The following ST8SIA6 variants were observed in gnomAD, a reference collection of about 807,000 sequenced individuals.
The protein encoded by ST8SIA6 is alpha-2,8-sialyltransferase 8F.
Under a neutral mutation model 33.6 loss-of-function variants are expected in ST8SIA6, and 39 were observed. The observed-to-expected ratio is 1.16, with a 90% CI of 0.90 to 1.52. ST8SIA6 has a LOEUF of 1.52. Among genes scored for constraint, ST8SIA6 ranks in the 40% most tolerant of loss-of-function variants. ST8SIA6 has a pLI of 0.00. For missense variants in ST8SIA6, 441 were observed against 443.8 expected (o/e 0.99, Z 0.06); for synonymous variants, 172 against 167.2 (o/e 1.03, Z -0.22).
At chr10:17,345,420 A>T (rs1848803801) in intron 4 of ST8SIA6, among the ~76,000 whole-genome samples, 1 of 152,220 alleles carries the variant, frequency 6.6e-6, no homozygotes, top group Non-Finnish European at 1.5e-5. Flanking sequence ...AAGGTACCTA[A>T]GCCACCCAAA....
intron 4 of ST8SIA6, among the ~76,000 whole-genome samples, chr10:17,342,539 G>A (rs1848712221): frequency 6.6e-6 from 1 of 152,150 alleles, no homozygotes; most frequent in Admixed American, 6.6e-5. Flanking sequence ...AAGCCAGCTG[G>A]GACATGGCTG....
chr10:17,448,049 C>T (rs1852781873), intron 2 of ST8SIA6, among the ~76,000 whole-genome samples: 1 of 152,134 alleles, frequency 6.6e-6, no homozygotes, highest in African/African-American at 2.4e-5. Context: ...GATCTGCCTG[C>T]CTTGGCCTCC....
intron 2 of ST8SIA6, among the ~76,000 whole-genome samples, chr10:17,427,744 CAA>C (rs1851982642): frequency 1.3e-5 from 2 of 152,178 alleles, no homozygotes; most frequent in Non-Finnish European, 2.9e-5. Context: ...CCAAAAAAGA[CAA>C]TATTGAGAAC....
chr10:17,352,081 T>A (rs1849050677), intron 4 of ST8SIA6, among the ~76,000 whole-genome samples: 2 of 152,136 alleles, frequency 1.3e-5, no homozygotes, highest in South Asian at 4.1e-4. Context: ...AGCTGATGGA[T>A]ATGTTAATTA....
At chr10:17,431,937 A>G (rs1852114553) in intron 2 of ST8SIA6, among the ~76,000 whole-genome samples, 1 of 152,184 alleles carries the variant, frequency 6.6e-6, no homozygotes, top group Non-Finnish European at 1.5e-5. Context: ...ACAGGAAAAA[A>G]TAGGGCAAAG....
At chr10:17,390,371 C>T (rs1171080573) in intron 3 of ST8SIA6, among the ~76,000 whole-genome samples, 160 bp downstream of exon 3, 2 of 152,126 alleles carry the variant, frequency 1.3e-5, no homozygotes, top group African/African-American at 4.8e-5. Context: ...CATTGTTTGG[C>T]CCCAGGTCCA....
At chr10:17,370,904 C>T (rs1296170829) in intron 3 of ST8SIA6, among the ~76,000 whole-genome samples, 1 of 152,040 alleles carries the variant, frequency 6.6e-6, no homozygotes, top group East Asian at 1.9e-4. Context: ...AAATAGGATC[C>T]CCCTACCTAC....
At chr10:17,452,336 C>T (rs1564472183) in intron 2 of ST8SIA6, among the ~76,000 whole-genome samples, 4 of 151,988 alleles carry the variant, frequency 2.6e-5, no homozygotes, top group Non-Finnish European at 5.9e-5. Context: ...GGAGTTACAC[C>T]ATCAGAAGAT....
chr10:17,410,922 C>T (rs1851426415), intron 2 of ST8SIA6, among the ~76,000 whole-genome samples: 1 of 152,078 alleles, frequency 6.6e-6, no homozygotes, highest in Admixed American at 6.5e-5. Flanking sequence ...ATTGGCTAAC[C>T]AAATTTACTG....
rs773985020 is a variant in ST8SIA6 at position 17,359,536 on chromosome 10, C to G, written c.355G>C (p.Ala119Pro). The G allele has an allele frequency of 6.2e-7, 1 of 1,606,208 alleles. No individual in the cohort carries two copies. The highest frequency in any genetic ancestry group is 1.1e-5 in the South Asian group (1 of 88,840). ...TACCTAAAATTTGCATATTCTTCTG[C>G]TTGCCGTTTCCATGGACAACTCTGT... ...DIQSCPWKRQ[A>P]EEYANFRAKL... The change falls in exon 4 of 8, where the codon GCA (alanine) becomes CCA (proline). Residue 119 changes from alanine to proline, a missense_variant. Transcript: ENST00000377602.
chr10:17,398,938 C>G (rs1229403988), intron 2 of ST8SIA6, among the ~76,000 whole-genome samples: 1 of 152,164 alleles, frequency 6.6e-6, no homozygotes, highest in African/African-American at 2.4e-5. Flanking sequence ...ACCGCCCCTG[C>G]AACACACATA....
At chr10:17,432,426 A>G (rs1852129685) in intron 2 of ST8SIA6, among the ~76,000 whole-genome samples, 1 of 152,304 alleles carries the variant, frequency 6.6e-6, no homozygotes, top group East Asian at 1.9e-4. Context: ...CACCCCACGC[A>G]TTTGCCGTGA....
At chr10:17,431,985 G>A (rs1442269123) in intron 2 of ST8SIA6, among the ~76,000 whole-genome samples, 1 of 152,200 alleles carries the variant, frequency 6.6e-6, no homozygotes, top group Non-Finnish European at 1.5e-5. Flanking sequence ...AGTGGAGGCT[G>A]AAGGGAGAGA....
At chr10:17,436,242 C>T (rs1047203778) in intron 2 of ST8SIA6, among the ~76,000 whole-genome samples, 2 of 152,196 alleles carry the variant, frequency 1.3e-5, no homozygotes. Flanking sequence ...TCCCCACCCA[C>T]ATCTCATCTT....
intron 4 of ST8SIA6, among the ~76,000 whole-genome samples, chr10:17,352,216 T>C (rs1419004245): frequency 6.6e-6 from 1 of 152,166 alleles, no homozygotes; most frequent in Non-Finnish European, 1.5e-5. Flanking sequence ...AGTAAAACTC[T>C]TCAAAAAGTC....
At chr10:17,423,914 C>G (rs1025162368) in intron 2 of ST8SIA6, among the ~76,000 whole-genome samples, 1 of 152,174 alleles carries the variant, frequency 6.6e-6, no homozygotes, top group Non-Finnish European at 1.5e-5. Flanking sequence ...CCAGTACCTA[C>G]CACGTGACAG....
rs1847766144 is a variant in ST8SIA6, at chr10:17,316,075, T to C, written c.*4803A>G. ...TTTATGTAGTAGTAAGAATATCATA[T>C]GTGAGTATAAGAATATATATGTCAA... is the stretch of plus-strand genomic sequence containing the variant. On this transcript the variant is annotated 3_prime_UTR_variant, in exon 8 of 8. Coordinates refer to ENST00000377602, the MANE Select transcript of ST8SIA6 (RefSeq NM_001004470.3). 6.6e-6 allele frequency among the ~76,000 whole-genome samples: 1 copy of C among 152,018 alleles called. No homozygotes were observed. Among genetic ancestry groups the C allele is most frequent in the Admixed American group, 6.6e-5 (1 of 15,252 alleles).
chr10:17,403,891 G>A (rs369212290), intron 2 of ST8SIA6, among the ~76,000 whole-genome samples: 107 of 151,790 alleles, frequency 7.0e-4, no homozygotes, highest in African/African-American at 2.4e-3. Flanking sequence ...ATGAAACTCC[G>A]TCTCTACTGA....
intron 3 of ST8SIA6, among the ~76,000 whole-genome samples, chr10:17,379,058 A>G (rs1021623210): frequency 1.3e-5 from 2 of 150,696 alleles, no homozygotes; most frequent in Non-Finnish European, 2.9e-5. Context: ...CCCGGGAGGC[A>G]GTGGTTGCAG....
Sources: allele counts gnomAD v4.1 joint callset (sites outside exome capture counted in the v4.1 genomes callset), GRCh38; gene constraint gnomAD v4.1.1; transcripts MANE v1.5; gene names NCBI Gene and HGNC (gene_info 2026-07-23, HGNC 2026-07-21).